LRP1B: variants seen among roughly 807,000 people sequenced by gnomAD.
LRP1B encodes the protein low-density lipoprotein receptor-related protein 1B.
In LRP1B, 217 loss-of-function variants were observed where a neutral mutation model predicts 556.6. The ratio of observed to expected loss-of-function variants is 0.39; its 90% confidence interval spans 0.35 to 0.44. LRP1B has a LOEUF of 0.44. Among genes scored for constraint, LRP1B ranks in the 20% least tolerant of loss-of-function variants. The probability of loss-of-function intolerance (pLI) is 1.00; values close to 1 mark genes in which losing one functional copy is unlikely to be tolerated. For missense variants in LRP1B, 5,053 were observed against 5,620.8 expected (o/e 0.90, Z 3.23); for synonymous variants, 2,047 against 1,865.8 (o/e 1.10, Z -2.50).
intron 59 of LRP1B, among the ~76,000 whole-genome samples, chr2:140,480,714 T>C (rs1680657672): frequency 1.3e-5 from 2 of 152,156 alleles, no homozygotes; most frequent in South Asian, 4.1e-4. Flanking sequence ...GTCCTGGGAT[T>C]ACAGGCTTGA....
intron 20 of LRP1B, among the ~76,000 whole-genome samples, chr2:140,933,548 C>T (rs994070553): frequency 1.3e-5 from 2 of 151,960 alleles, no homozygotes; most frequent in African/African-American, 4.8e-5. Context: ...TAAAGCTCTG[C>T]TAAAAAAGCA....
At chr2:140,420,798 G>A (rs143951182) in intron 66 of LRP1B, among the ~76,000 whole-genome samples, 2,889 of 152,292 alleles carry the variant, frequency 0.019, 45 homozygotes, top group Non-Finnish European at 0.023. Flanking sequence ...CAGTAATCTA[G>A]TGACTTCAAG....
At chr2:141,558,869 G>T (rs1310935352) in intron 2 of LRP1B, among the ~76,000 whole-genome samples, 1 of 151,714 alleles carries the variant, frequency 6.6e-6, no homozygotes, top group African/African-American at 2.4e-5. Flanking sequence ...ACAGCGCTAT[G>T]AATCTATTCA....
chr2:140,520,556 TA>T (rs1273080918), intron 49 of LRP1B, among the ~76,000 whole-genome samples: 4 of 151,972 alleles, frequency 2.6e-5, no homozygotes, highest in African/African-American at 9.7e-5. Flanking sequence ...TACACATATG[TA>T]AAAAACCTGC....
At chr2:141,039,892 T>C (rs1373516034) in intron 11 of LRP1B, among the ~76,000 whole-genome samples, 1 of 152,112 alleles carries the variant, frequency 6.6e-6, no homozygotes, top group Non-Finnish European at 1.5e-5. Context: ...TCTGGAGAAA[T>C]AATATGAGAA....
intron 5 of LRP1B, among the ~76,000 whole-genome samples, 179 bp downstream of exon 5, chr2:141,247,047 A>ATTT (rs1200208691): frequency 5.9e-5 from 9 of 152,206 alleles, no homozygotes; most frequent in African/African-American, 2.2e-4. Context: ...TTTTATAATG[A>ATTT]TTAGTGACAA....
intron 66 of LRP1B, among the ~76,000 whole-genome samples, chr2:140,420,074 C>T (rs1242628168): frequency 8.0e-6 from 1 of 124,428 alleles, no homozygotes; most frequent in Admixed American, 7.7e-5. Flanking sequence ...AAAATAAAAA[C>T]ACAACATATG....
chr2:141,040,998 C>A (rs1477211794), intron 11 of LRP1B, among the ~76,000 whole-genome samples: 1 of 152,046 alleles, frequency 6.6e-6, no homozygotes. Context: ...CAAACTTATT[C>A]ATTACTCTTT....
intron 6 of LRP1B, among the ~76,000 whole-genome samples, chr2:141,228,582 A>AGTGTGTGTGTGTGTGT (rs3063860): frequency 1.2e-4 from 18 of 146,398 alleles, no homozygotes; most frequent in African/African-American, 4.0e-4. Context: ...TGTGTGTATG[A>AGTGTGTGTGTGTGTGT]GTGTGTGTGT....
intron 3 of LRP1B, among the ~76,000 whole-genome samples, chr2:141,424,374 A>G (rs531531020): frequency 5.7e-4 from 87 of 152,212 alleles, no homozygotes; most frequent in Admixed American, 1.6e-3. Context: ...AGCCTCCCAA[A>G]GTGCTGGGAT....
intron 11 of LRP1B, among the ~76,000 whole-genome samples, chr2:141,042,062 A>G (rs1481415277): frequency 6.6e-6 from 1 of 152,124 alleles, no homozygotes; most frequent in African/African-American, 2.4e-5. Flanking sequence ...AGTAACTTGC[A>G]TATCAGTATT....
At chr2:141,360,318 G>C (rs1559028654) in intron 3 of LRP1B, among the ~76,000 whole-genome samples, 1 of 152,196 alleles carries the variant, frequency 6.6e-6, no homozygotes, top group South Asian at 2.1e-4. Flanking sequence ...GACACACTTT[G>C]TCTCCAAGCT....
At chr2:140,544,096 T>C (rs989801153) in intron 43 of LRP1B, among the ~76,000 whole-genome samples, 3 of 152,036 alleles carry the variant, frequency 2.0e-5, no homozygotes, top group African/African-American at 7.2e-5. Context: ...AGTGCACAAT[T>C]CAGTGGTAAT....
At chr2:141,177,875 C>CA (rs1236112811) in intron 7 of LRP1B, among the ~76,000 whole-genome samples, 13 of 152,156 alleles carry the variant, frequency 8.5e-5, no homozygotes, top group African/African-American at 2.9e-4. Context: ...AGCCTTCAGA[C>CA]AAAGGTATTT....
At chr2:140,915,495 A>G (rs961322155) in intron 21 of LRP1B, among the ~76,000 whole-genome samples, 1 of 151,004 alleles carries the variant, frequency 6.6e-6, no homozygotes, top group African/African-American at 2.4e-5. Context: ...CTAAAAAGAA[A>G]AAAAAAAATT....
At chr2:141,534,366 T>C (rs145746233) in intron 2 of LRP1B, among the ~76,000 whole-genome samples, 78 of 152,274 alleles carry the variant, frequency 5.1e-4, no homozygotes, top group African/African-American at 1.8e-3. Flanking sequence ...ATTCATATCG[T>C]TCCCTTGCGT....
intron 66 of LRP1B, among the ~76,000 whole-genome samples, chr2:140,396,719 G>A (rs932444354): frequency 6.6e-6 from 1 of 152,156 alleles, no homozygotes; most frequent in African/African-American, 2.4e-5. Context: ...GATGTGAATT[G>A]TACTGTCAAC....
At chr2:142,073,147 T>C (rs1413845024) in intron 1 of LRP1B, among the ~76,000 whole-genome samples, 1 of 152,016 alleles carries the variant, frequency 6.6e-6, no homozygotes, top group Non-Finnish European at 1.5e-5. Flanking sequence ...CATTTTTCCA[T>C]AAAATAAACA....
chr2:140,555,996 A>G (rs1413397679), intron 43 of LRP1B, among the ~76,000 whole-genome samples: 1 of 152,078 alleles, frequency 6.6e-6, no homozygotes, highest in Non-Finnish European at 1.5e-5. Flanking sequence ...TTAAAACTGC[A>G]GCTGTTACAA....
Sources: allele counts gnomAD v4.1 joint callset (sites outside exome capture counted in the v4.1 genomes callset), GRCh38; gene constraint gnomAD v4.1.1; transcripts MANE v1.5; gene names NCBI Gene and HGNC (gene_info 2026-07-23, HGNC 2026-07-21).